The following NFAM1 variants were observed in gnomAD, a reference collection of about 807,000 sequenced individuals.
The protein encoded by NFAM1 is NFAT activating protein with ITAM motif 1.
A neutral mutation model predicts 29.0 loss-of-function variants in NFAM1; 17 were observed. The observed-to-expected ratio is 0.59, with a 90% CI of 0.40 to 0.88. The LOEUF (loss-of-function observed/expected upper bound fraction) is 0.88, where lower values mean the gene tolerates loss of function less well. Ranked by LOEUF, NFAM1 falls within the 40% of genes least tolerant of loss-of-function variation. The pLI is 0.00. For synonymous variants in NFAM1, 175 were observed against 147.2 expected (o/e 1.19, Z -1.36); for missense variants, 324 against 344.6 (o/e 0.94, Z 0.47).
At chr22:42,432,149 C>T (rs1371458741) in intron 1 of NFAM1, 88 bp downstream of exon 1, 8 of 1,171,300 alleles carry the variant, frequency 6.8e-6, no homozygotes, top group Non-Finnish European at 1.0e-5. Context: ...GAGACAGGTC[C>T]CTGGGAATTA....
At chr22:42,403,708 G>T (rs73886074) in intron 3 of NFAM1, among the ~76,000 whole-genome samples, 1 of 152,240 alleles carries the variant, frequency 6.6e-6, no homozygotes, top group Non-Finnish European at 1.5e-5. Flanking sequence ...TATGTCAGGG[G>T]ACCTGTGCTA....
the NFAM1 span, among the ~76,000 whole-genome samples, chr22:42,437,439 G>C: frequency 6.6e-6 from 1 of 152,006 alleles, no homozygotes; most frequent in Non-Finnish European, 1.5e-5. Flanking sequence ...TACCATACCC[G>C]GCCACAATTT....
chr22:42,431,998 G>T (rs1248833178), intron 1 of NFAM1, among the ~76,000 whole-genome samples: 1 of 152,162 alleles, frequency 6.6e-6, no homozygotes, highest in South Asian at 2.1e-4. Context: ...GGGCAAAGCT[G>T]TCACAGCAGC....
rs764698283 is a variant in NFAM1, at chr22:42,386,980, C to T, written c.753+9G>A. On this transcript the variant is annotated intron_variant, in intron 5 of 5. Coordinates refer to ENST00000329021, the MANE Select transcript of NFAM1 (RefSeq NM_145912.8). ...AGAAGCCAGGCTTGGTGCCCCAGCG[C>T]CTGTGTACCTGGGAGAGGGGGCTCT... is the stretch of plus-strand genomic sequence containing the variant. 1.3e-6 allele frequency: 2 copies of T among 1,489,520 alleles called. No individual in the cohort carries two copies. Among genetic ancestry groups the T allele is most frequent in the South Asian group, 2.5e-5 (2 of 81,608 alleles). 92.3% of individuals were successfully genotyped at this position (1,489,520 alleles called of 1,614,324 possible).
At chr22:42,399,446 C>CAAAAA in intron 3 of NFAM1, among the ~76,000 whole-genome samples, 1 of 66,896 alleles carries the variant, frequency 1.5e-5, no homozygotes, top group Middle Eastern at 5.9e-3. Context: ...GATCCCATCT[C>CAAAAA]AAAAAAAAAA....
In NFAM1 at chr22:42,384,974, C is replaced by A; in HGVS notation, c.*187G>T. ...GGCAAAGGCCCCAAGATGGGAAAGCCTTGGTGGTTGGGGCATAGAATGGGG... is the reference window on the plus strand; with the variant it reads ...GGCAAAGGCCCCAAGATGGGAAAGCATTGGTGGTTGGGGCATAGAATGGGG... On this transcript the variant is annotated 3_prime_UTR_variant, in exon 6 of 6. Coordinates refer to ENST00000329021, the MANE Select transcript of NFAM1 (RefSeq NM_145912.8). The A allele has an allele frequency of 1.5e-6, 1 of 673,212 alleles. No individual in the cohort carries two copies. The highest frequency in any genetic ancestry group is 2.7e-6 in the Non-Finnish European group (1 of 375,478). The allele number at this position is 673,212 out of a possible 1,614,324, so 41.7% of individuals were successfully genotyped here. A position where few individuals can be genotyped will look rare whatever the true frequency, so the allele number is the denominator to read the frequency against.
rs1928950152 is a variant in NFAM1 at position 42,381,502 on chromosome 22, A to AG, written c.*3658dup. 1.3e-5 allele frequency: 2 copies of AG among 152,622 alleles called. No individual in the cohort carries two copies. The highest frequency in any genetic ancestry group is 6.5e-5 in the Admixed American group (1 of 15,280). The allele number at this position is 152,622 out of a possible 1,614,324, so 9.5% of individuals were successfully genotyped here. A position where few individuals can be genotyped will look rare whatever the true frequency, so the allele number is the denominator to read the frequency against. ...AGATGGTGGGAAATCCCACCAGGTC[A>AG]GGGGCCAGTGGGCAGAGGGAAGCAT... is the stretch of plus-strand genomic sequence containing the variant. On this transcript the variant is annotated 3_prime_UTR_variant, in exon 6 of 6. Coordinates refer to ENST00000329021, the MANE Select transcript of NFAM1 (RefSeq NM_145912.8).
rs1929009074 is a variant in NFAM1, at chr22:42,383,016, G to C, written c.*2145C>G. ...TGAGGCAAAAACCATGCAAGGTATAGAGCAGGGGAGGCCAAGGCCAGGTGT... is the reference window on the plus strand; with the variant it reads ...TGAGGCAAAAACCATGCAAGGTATACAGCAGGGGAGGCCAAGGCCAGGTGT... On this transcript the variant is annotated 3_prime_UTR_variant, in exon 6 of 6. Coordinates refer to ENST00000329021, the MANE Select transcript of NFAM1 (RefSeq NM_145912.8). 1.3e-5 allele frequency: 2 copies of C among 153,470 alleles called. No homozygotes were observed. Among genetic ancestry groups the C allele is most frequent in the African/African-American group, 2.4e-5 (1 of 41,588 alleles). 9.5% of individuals were successfully genotyped at this position (153,470 alleles called of 1,614,324 possible).
chr22:42,425,563 CCT>C (rs1930596490), intron 1 of NFAM1, among the ~76,000 whole-genome samples: 1 of 152,186 alleles, frequency 6.6e-6, no homozygotes, highest in African/African-American at 2.4e-5. Context: ...TCCTTCCCTC[CCT>C]GTCTGCCGCC....
In NFAM1 at chr22:42,411,713, C is replaced by T. The variant is rs759442798; in HGVS notation, c.145G>A (p.Gly49Ser). ...GCCAGGGAGGCCATGATGGGCAGGCCGGTGTGGGTCACTGACTGTCCTCCT... is the reference window on the plus strand; with the variant it reads ...GCCAGGGAGGCCATGATGGGCAGGCTGGTGTGGGTCACTGACTGTCCTCCT... ...LAGGQSVTHT[G>S]LPIMASLANT... Residue 49 changes from glycine (G) to serine (S), a missense_variant, in exon 2 of 6, where the codon GGC becomes AGC. Transcript: ENST00000329021. 3.9e-5 allele frequency: 63 copies of T among 1,613,576 alleles called. No homozygotes were observed. The highest frequency in any genetic ancestry group is 4.8e-5 in the Non-Finnish European group (57 of 1,179,656).
intron 3 of NFAM1, among the ~76,000 whole-genome samples, chr22:42,399,993 C>G (rs1273607655): frequency 6.6e-6 from 1 of 152,184 alleles, no homozygotes; most frequent in African/African-American, 2.4e-5. Flanking sequence ...CTCACGCGCC[C>G]TCCACAAACC....
chr22:42,416,769 C>A (rs899213273), intron 1 of NFAM1, among the ~76,000 whole-genome samples: 1 of 152,184 alleles, frequency 6.6e-6, no homozygotes, highest in Non-Finnish European at 1.5e-5. Flanking sequence ...CATGCCAGGG[C>A]GTGGTGTGGC....
At chr22:42,398,344 C>A (rs1929602381) in intron 3 of NFAM1, among the ~76,000 whole-genome samples, 1 of 146,552 alleles carries the variant, frequency 6.8e-6, no homozygotes, top group Admixed American at 6.9e-5. Context: ...CTGGCTCTGG[C>A]CTCGAGCGAG....
intron 4 of NFAM1, among the ~76,000 whole-genome samples, chr22:42,390,878 G>A (rs1194609098): frequency 2.0e-5 from 3 of 151,788 alleles, no homozygotes; most frequent in Non-Finnish European, 4.4e-5. Flanking sequence ...CCACCCTGGG[G>A]CGGAGGGAAT....
Position 42,409,460 on chromosome 22 carries a change from C to A in NFAM1, c.539G>T (p.Gly180Val), listed in dbSNP as rs758088681. The stretch of plus-strand genomic sequence containing the variant: ...CTTGTTCCAGAGCAGCAGGGCCGTG[C>A]CCACTACACTCAGGACACTCAGGAG... ...TGLLSVLSVV[G>V]TALLLWNKKR... The change falls in exon 3 of 6, where the codon GGC (glycine) becomes GTC (valine). Residue 180 changes from glycine (G) to valine (V), a missense_variant. Physicochemically the swap from Gly to Val is moderately radical, Grantham distance 109. Coordinates refer to ENST00000329021, the MANE Select transcript of NFAM1 (RefSeq NM_145912.8). This position sits in a 1 kb window ranked among gnomAD's most constrained non-coding sequence, Gnocchi z 4.9. 1.9e-6 allele frequency: 3 copies of A among 1,540,208 alleles called. No individual in the cohort carries two copies. Among genetic ancestry groups the A allele is most frequent in the Admixed American group, 2.0e-5 (1 of 51,222 alleles).
intron 3 of NFAM1, among the ~76,000 whole-genome samples, chr22:42,407,963 A>G (rs1004676733): frequency 2.8e-5 from 4 of 140,536 alleles, no homozygotes; most frequent in African/African-American, 8.1e-5. Context: ...GCTGAAGTGC[A>G]GTAGTGTAAT....
intron 4 of NFAM1, among the ~76,000 whole-genome samples, chr22:42,397,282 C>T (rs983424227): frequency 3.3e-5 from 5 of 152,138 alleles, no homozygotes; most frequent in African/African-American, 4.8e-5. Flanking sequence ...ACCCACATCT[C>T]CAGGAAAATT....
At chr22:42,389,202 A>G (rs796595547) in intron 4 of NFAM1, among the ~76,000 whole-genome samples, 9 of 152,294 alleles carry the variant, frequency 5.9e-5, no homozygotes, top group African/African-American at 1.7e-4. Flanking sequence ...CCCAGAACAC[A>G]TGAGCCCAGA....
intron 4 of NFAM1, 39 bp from the exon 5 acceptor site, chr22:42,387,117 T>C: frequency 8.1e-7 from 1 of 1,228,366 alleles, no homozygotes; most frequent in Non-Finnish European, 1.2e-6. Flanking sequence ...GGCAAGTGTG[T>C]AGAGGGGCAG....
Sources: gnomAD v4.1 joint callset for allele counts (sites outside exome capture counted in the v4.1 genomes callset) on GRCh38, gnomAD v4.1.1 for gene constraint, Gnocchi (gnomAD v3.1) non-coding constraint, MANE v1.5 for transcripts, NCBI Gene and HGNC (gene_info 2026-07-23, HGNC 2026-07-21) for gene names.